The following ADAM12 variants were observed in gnomAD, a reference collection of about 807,000 sequenced individuals.
The protein encoded by ADAM12 is disintegrin and metalloproteinase domain-containing protein 12.
In ADAM12, 70 loss-of-function variants were observed where a neutral mutation model predicts 106.4. That is an observed-to-expected ratio of 0.66 (90% CI 0.54 to 0.80). The LOEUF (loss-of-function observed/expected upper bound fraction) is 0.80, where lower values mean the gene tolerates loss of function less well. Ranked by LOEUF, ADAM12 falls within the 30% of genes least tolerant of loss-of-function variation. ADAM12 has a pLI of 0.00. For synonymous variants in ADAM12, 420 were observed against 433.5 expected, an observed-to-expected ratio of 0.97 and a Z score of 0.39; for missense variants, 1,010 against 1,171.9, an observed-to-expected ratio of 0.86 and a Z score of 2.02.
At chr10:126,169,103 C>T (rs1215162326) in intron 3 of ADAM12, among the ~76,000 whole-genome samples, 1 of 152,108 alleles carries the variant, frequency 6.6e-6, no homozygotes, top group Non-Finnish European at 1.5e-5. Flanking sequence ...GGACCAGGCC[C>T]ACCCCCTCTA....
chr10:126,305,825 A>G (rs139696969), intron 2 of ADAM12, among the ~76,000 whole-genome samples: 23 of 152,158 alleles, frequency 1.5e-4, no homozygotes, highest in Non-Finnish European at 2.8e-4. Context: ...AGATAGGACT[A>G]TTTCTCATCA....
intron 5 of ADAM12, among the ~76,000 whole-genome samples, chr10:126,122,915 T>C (rs767770267): frequency 6.6e-6 from 1 of 152,246 alleles, no homozygotes; most frequent in Non-Finnish European, 1.5e-5. Flanking sequence ...CTGTAAAACA[T>C]GTCACCACAT....
At chr10:126,386,877 A>C (rs1309969775) in intron 1 of ADAM12, among the ~76,000 whole-genome samples, 1 of 152,248 alleles carries the variant, frequency 6.6e-6, no homozygotes, top group East Asian at 1.9e-4. Flanking sequence ...TTAAACCCTC[A>C]GCAGGATTCT....
At chr10:126,368,356 G>GTTTTTTTTTTTTTT (rs34317249) in intron 1 of ADAM12, among the ~76,000 whole-genome samples, 1 of 118,402 alleles carries the variant, frequency 8.4e-6, no homozygotes, top group East Asian at 2.5e-4. Flanking sequence ...TGTGTGATTT[G>GTTTTTTTTTTTTTT]TTTTTTTTTT....
At chr10:126,301,891 T>C (rs375734064) in intron 2 of ADAM12, among the ~76,000 whole-genome samples, 1 of 152,226 alleles carries the variant, frequency 6.6e-6, no homozygotes, top group South Asian at 2.1e-4. Flanking sequence ...AATCATAATT[T>C]ATACTCTGAG....
At chr10:126,271,789 A>G (rs1462669447) in intron 3 of ADAM12, among the ~76,000 whole-genome samples, 3 of 152,198 alleles carry the variant, frequency 2.0e-5, no homozygotes, top group Non-Finnish European at 4.4e-5. Context: ...GCAGAATCTT[A>G]TCATGTCATT....
chr10:126,022,491 G>C (rs1347862581), intron 21 of ADAM12, among the ~76,000 whole-genome samples: 2 of 152,206 alleles, frequency 1.3e-5, no homozygotes, highest in African/African-American at 4.8e-5. Flanking sequence ...AACAGTGGGG[G>C]TTAGTCCAAG....
At chr10:126,062,153 C>T (rs998456229) in intron 14 of ADAM12, among the ~76,000 whole-genome samples, 1 of 152,170 alleles carries the variant, frequency 6.6e-6, no homozygotes, top group Non-Finnish European at 1.5e-5. Flanking sequence ...AGGTGGCTTC[C>T]CAAGCCTGGT....
chr10:126,344,912 G>A (rs1454706714), intron 1 of ADAM12, among the ~76,000 whole-genome samples: 2 of 152,220 alleles, frequency 1.3e-5, no homozygotes, highest in East Asian at 3.9e-4. Flanking sequence ...ATCAGCTTAA[G>A]GAGATTTGGG....
intron 3 of ADAM12, among the ~76,000 whole-genome samples, chr10:126,179,746 G>A (rs1957280351): frequency 6.6e-6 from 1 of 152,104 alleles, no homozygotes; most frequent in African/African-American, 2.4e-5. Context: ...GTCTCGTGTG[G>A]GTGATCAAGA....
chr10:126,038,209 G>A, intron 20 of ADAM12, 32 bp downstream of exon 20: 4 of 1,554,068 alleles, frequency 2.6e-6, no homozygotes, highest in Non-Finnish European at 3.5e-6. Context: ...CTGCATGTGT[G>A]CCCTGAGCAC....
Position 126,017,266 on chromosome 10 carries a change from AG to A in ADAM12, c.*12del. The A allele has an allele frequency of 6.3e-7, 1 of 1,584,748 alleles. No homozygotes were observed. The highest frequency in any genetic ancestry group is 1.2e-5 in the South Asian group (1 of 86,420). On this transcript the variant is annotated 3_prime_UTR_variant, in exon 23 of 23. Coordinates refer to ENST00000448723, the MANE Select transcript of ADAM12 (RefSeq NM_001288973.2). ...AACTTCTGTCTTCACTGTTGAAAAA[AG>A]GTGTCGGCTTCTCACTTAATATAGG...
chr10:126,089,281 C>G (rs1216270726), intron 11 of ADAM12, among the ~76,000 whole-genome samples: 1 of 152,144 alleles, frequency 6.6e-6, no homozygotes, highest in Non-Finnish European at 1.5e-5. Context: ...AAAAAGAAAT[C>G]TCAAACCAAA....
intron 11 of ADAM12, among the ~76,000 whole-genome samples, chr10:126,091,923 G>A (rs1244110147): frequency 6.6e-6 from 1 of 152,144 alleles, no homozygotes; most frequent in Non-Finnish European, 1.5e-5. Context: ...AAAGAAAGGA[G>A]GAAGGAAGGG....
intron 1 of ADAM12, among the ~76,000 whole-genome samples, chr10:126,350,511 C>T (rs1855312060): frequency 6.6e-6 from 1 of 152,222 alleles, no homozygotes; most frequent in African/African-American, 2.4e-5. Flanking sequence ...ACTAGACTCA[C>T]CTGGCCCTGT....
chr10:126,188,211 T>G (rs1178492184), intron 3 of ADAM12, among the ~76,000 whole-genome samples: 1 of 152,194 alleles, frequency 6.6e-6, no homozygotes, highest in African/African-American at 2.4e-5. Flanking sequence ...AAAAATATGT[T>G]GAGAGCAGAG....
intron 1 of ADAM12, among the ~76,000 whole-genome samples, chr10:126,332,053 CT>C (rs1451167008): frequency 2.0e-5 from 3 of 152,188 alleles, no homozygotes; most frequent in Non-Finnish European, 4.4e-5. Flanking sequence ...ATAGCCCAGG[CT>C]TTGGAGGAAG....
chr10:126,049,995 GCT>G lies in ADAM12; in HGVS notation c.1610-328_1610-327del, dbSNP rs1954437193. On this transcript the variant is annotated intron_variant, in intron 14 of 22. Transcript: ENST00000448723. The surrounding 1 kb of genome is among the most constrained non-coding windows in gnomAD (Gnocchi z 4.4). ...ATCCAGGGCAGAAAGGAGGTGGCTG[GCT>G]GGCTGGCTGGCTGGCTGGCTGGCTG... 1.9e-4 allele frequency among the ~76,000 whole-genome samples: 6 copies of G among 31,296 alleles called. No individual in the cohort carries two copies. Among genetic ancestry groups the G allele is most frequent in the African/African-American group, 1.8e-3 (6 of 3,426 alleles). 20.5% of individuals were successfully genotyped at this position (31,296 alleles called of 152,430 possible). A position where few individuals can be genotyped will look rare whatever the true frequency, so the allele number is the denominator to read the frequency against.
chr10:126,065,073 G>T, intron 13 of ADAM12, 72 bp from the exon 14 acceptor site: 2 of 1,473,680 alleles, frequency 1.4e-6, no homozygotes, highest in South Asian at 1.3e-5. Flanking sequence ...ATTACTCCTG[G>T]GCTGGAGTGG....
Sources: gnomAD v4.1 joint callset for allele counts (sites outside exome capture counted in the v4.1 genomes callset) on GRCh38, gnomAD v4.1.1 for gene constraint, Gnocchi (gnomAD v3.1) non-coding constraint, MANE v1.5 for transcripts, NCBI Gene and HGNC (gene_info 2026-07-23, HGNC 2026-07-21) for gene names.